CEACAM6: variants seen among roughly 807,000 people sequenced by gnomAD.
The protein encoded by CEACAM6 is cell adhesion molecule CEACAM6.
A neutral mutation model predicts 32.4 loss-of-function variants in CEACAM6; 21 were observed. That is an observed-to-expected ratio of 0.65 (90% CI 0.46 to 0.93). The LOEUF (loss-of-function observed/expected upper bound fraction) is 0.93. Among genes scored for constraint, CEACAM6 ranks in the 40% least tolerant of loss-of-function variants. The pLI is 0.00. For synonymous variants in CEACAM6, 184 were observed against 174.4 expected, an observed-to-expected ratio of 1.06 and a Z score of -0.43; for missense variants, 406 against 432.2, an observed-to-expected ratio of 0.94 and a Z score of 0.54.
In CEACAM6 at chr19:41,772,039, A is replaced by G. The variant is rs1308857456; in HGVS notation, c.*1278A>G. The G allele has an allele frequency of 6.6e-6, 1 of 152,126 alleles. No individual in the cohort carries two copies. The highest frequency in any genetic ancestry group is 1.5e-5 in the Non-Finnish European group (1 of 68,024). The allele number at this position is 152,126 out of a possible 1,614,324, so 9.4% of individuals were successfully genotyped here. A position where few individuals can be genotyped will look rare whatever the true frequency, so the allele number is the denominator to read the frequency against. ...CTTTTACAAAAAAGTAACCTGAACTAATCTGATGTTAACCAATGTATTTAT... is the reference window on the plus strand; with the variant it reads ...CTTTTACAAAAAAGTAACCTGAACTGATCTGATGTTAACCAATGTATTTAT... On this transcript the variant is annotated 3_prime_UTR_variant, in exon 6 of 6. Coordinates refer to ENST00000199764, the MANE Select transcript of CEACAM6 (RefSeq NM_002483.7).
At position 41,762,184 on chromosome 19, in the gene CEACAM6, G is replaced by A. The variant is rs146516997; in HGVS notation, c.919G>A (p.Gly307Ser). The change falls in exon 4 of 6, where the codon GGC becomes AGC. Residue 307 changes from glycine to serine, a missense_variant. By Grantham distance (56) the Gly-to-Ser change is moderately conservative (BLOSUM62 0). Coordinates refer to ENST00000199764, the MANE Select transcript of CEACAM6 (RefSeq NM_002483.7). ...YMCQAHNSAT[G>S]LNRTTVTMIT... ...GTGCCAAGCCCATAACTCAGCCACT[G>A]GCCTCAATAGGACCACAGTCACGAT... 3.1e-6 allele frequency: 5 copies of A among 1,613,992 alleles called. No individual in the cohort carries two copies. In the African/African-American group the frequency reaches 6.7e-5, roughly 22 times the overall value.
At position 41,762,217 on chromosome 19, in the gene CEACAM6, G is replaced by C; in HGVS notation, c.952G>C (p.Val318Leu). ...TAGGACCACAGTCACGATGATCACAGTCTCTGGTAAGTGGATCCATGAAGC... is the reference window on the plus strand; with the variant it reads ...TAGGACCACAGTCACGATGATCACACTCTCTGGTAAGTGGATCCATGAAGC... The part of the protein sequence containing the change: ...LNRTTVTMIT[V>L]SGSAPVLSAV... Residue 318 changes from valine to leucine, a missense_variant, in exon 4 of 6, where the codon GTC (valine) becomes CTC (leucine). Transcript: ENST00000199764. The C allele has an allele frequency of 6.2e-7, 1 of 1,613,744 alleles. No individual in the cohort carries two copies. Among genetic ancestry groups the C allele is most frequent in the Non-Finnish European group, 8.5e-7 (1 of 1,179,698 alleles).
chr19:41,768,800 C>T (rs558530363), intron 5 of CEACAM6, among the ~76,000 whole-genome samples: 2 of 151,888 alleles, frequency 1.3e-5, no homozygotes, highest in South Asian at 2.1e-4. Flanking sequence ...CCAGTAGGGG[C>T]GGCCGGGCAG....
chr19:41,761,482 C>G lies in CEACAM6; in HGVS notation c.658C>G (p.Pro220Ala), dbSNP rs1360904910. Reference sequence around the variant, plus strand: ...ATCCTATGAATGTGAAATACAGAACCCAGCGAGTGCCAACCGCAGTGACCC... The same window carrying G: ...ATCCTATGAATGTGAAATACAGAACGCAGCGAGTGCCAACCGCAGTGACCC... ...AGSYECEIQN[P>A]ASANRSDPVT... Residue 220 changes from proline (P) to alanine (A), a missense_variant, in exon 3 of 6, where the codon CCA (proline) becomes GCA (alanine). By Grantham distance (27) the Pro-to-Ala change is conservative. Coordinates refer to ENST00000199764, the MANE Select transcript of CEACAM6 (RefSeq NM_002483.7). The G allele has an allele frequency of 6.2e-7, 1 of 1,614,030 alleles. No individual in the cohort carries two copies. The highest frequency in any genetic ancestry group is 1.3e-5 in the African/African-American group (1 of 74,896).
chr19:41,768,252 C>A (rs367629073), intron 5 of CEACAM6, among the ~76,000 whole-genome samples: 1 of 152,256 alleles, frequency 6.6e-6, no homozygotes, highest in African/African-American at 2.4e-5. Flanking sequence ...TGCGGCCTTC[C>A]GCAGTGTTTG....
chr19:41,760,982 C>A (rs939493213), intron 2 of CEACAM6, among the ~76,000 whole-genome samples: 1 of 152,226 alleles, frequency 6.6e-6, no homozygotes, highest in African/African-American at 2.4e-5. Context: ...GGGGCTGTGA[C>A]CCCGGGTCCT....
chr19:41,768,667 T>C (rs1314634839), intron 5 of CEACAM6, among the ~76,000 whole-genome samples: 19 of 149,844 alleles, frequency 1.3e-4, no homozygotes, highest in African/African-American at 2.5e-4. Flanking sequence ...CACTTCCCAG[T>C]AGGGGCGGCC....
intron 4 of CEACAM6, among the ~76,000 whole-genome samples, chr19:41,762,466 G>C (rs2072932592): frequency 6.6e-6 from 1 of 151,964 alleles, no homozygotes; most frequent in Non-Finnish European, 1.5e-5. Flanking sequence ...AATGAGAGGA[G>C]GGGGCTCCCT....
At position 41,762,153 on chromosome 19, in the gene CEACAM6, C is replaced by T. The variant is rs2072929425; in HGVS notation, c.888C>T (p.Ser296=). 6.2e-7 allele frequency: 1 copy of T among 1,614,162 alleles called. No homozygotes were observed. The highest frequency in any genetic ancestry group is 1.3e-5 in the African/African-American group (1 of 75,026). Residue 296 remains serine, a synonymous_variant, in exon 4 of 6, where the codon TCC becomes TCT. Transcript: ENST00000199764. ...IPNITVNNSG[S]YMCQAHNSAT... is the part of the protein sequence containing the mutation. ...ACATCACTGTGAATAATAGCGGATCCTATATGTGCCAAGCCCATAACTCAG... is the reference window on the plus strand; with the variant it reads ...ACATCACTGTGAATAATAGCGGATCTTATATGTGCCAAGCCCATAACTCAG...
chr19:41,761,079 A>G (rs1475434741), intron 2 of CEACAM6, among the ~76,000 whole-genome samples, 170 bp from the exon 3 acceptor site: 1 of 152,192 alleles, frequency 6.6e-6, no homozygotes, highest in Admixed American at 6.5e-5. Context: ...ATCTCACACA[A>G]TCTCAGCCCT....
In CEACAM6 at chr19:41,762,236, A is replaced by G. The variant is rs535396653; in HGVS notation, c.958+13A>G. Reference sequence around the variant, plus strand: ...ATCACAGTCTCTGGTAAGTGGATCCATGAAGCACTAGCATCACATTTTCAG... The same window carrying G: ...ATCACAGTCTCTGGTAAGTGGATCCGTGAAGCACTAGCATCACATTTTCAG... On this transcript the variant is annotated intron_variant, in intron 4 of 5. Transcript: ENST00000199764. 5.0e-6 allele frequency: 8 copies of G among 1,610,286 alleles called. No individual in the cohort carries two copies. In the African/African-American group the frequency reaches 5.3e-5, roughly 11 times the overall value.
intron 2 of CEACAM6, among the ~76,000 whole-genome samples, chr19:41,757,577 T>C (rs2072897035): frequency 6.6e-6 from 1 of 151,938 alleles, no homozygotes; most frequent in South Asian, 2.1e-4. Context: ...AAAGGACAGA[T>C]GGAAAAAATT....
intron 2 of CEACAM6, among the ~76,000 whole-genome samples, chr19:41,759,800 TCTAAA>T (rs1426497041): frequency 3.3e-5 from 5 of 152,040 alleles, no homozygotes; most frequent in Non-Finnish European, 7.4e-5. Flanking sequence ...TAACATGAGG[TCTAAA>T]CTCCTGACAA....
chr19:41,768,564 T>A (rs2072970869), intron 5 of CEACAM6, among the ~76,000 whole-genome samples: 1 of 152,260 alleles, frequency 6.6e-6, no homozygotes, highest in Admixed American at 6.5e-5. Flanking sequence ...CCCTTTTCTA[T>A]TCCACAAAAC....
chr19:41,764,484 C>T (rs1344353264), intron 4 of CEACAM6, among the ~76,000 whole-genome samples: 2 of 152,040 alleles, frequency 1.3e-5, no homozygotes, highest in Non-Finnish European at 2.9e-5. Context: ...GAGACTGTGT[C>T]GCCCTATGTT....
At position 41,756,874 on chromosome 19, in the gene CEACAM6, C is replaced by T. The variant is rs2072891210; in HGVS notation, c.339C>T (p.Thr113=). ...PNASLLIQNV[T]QNDTGFYTLQ... is the part of the protein sequence containing the mutation. ...CATCCCTGCTGATCCAGAACGTCAC[C>T]CAGAATGACACAGGATTCTATACCC... Residue 113 remains threonine (T), a synonymous_variant, in exon 2 of 6, where the codon ACC becomes ACT. Coordinates refer to ENST00000199764, the MANE Select transcript of CEACAM6 (RefSeq NM_002483.7). The T allele has an allele frequency of 6.2e-7, 1 of 1,614,014 alleles. No individual in the cohort carries two copies. The highest frequency in any genetic ancestry group is 1.3e-5 in the African/African-American group (1 of 74,892).
Position 41,771,525 on chromosome 19 carries a change from G to A in CEACAM6, c.*764G>A, listed in dbSNP as rs2122944977. On this transcript the variant is annotated 3_prime_UTR_variant, in exon 6 of 6. Transcript: ENST00000199764. ...AACAAATGTGCTGCTTGGTTAAAAT[G>A]GCTACACTCATCTGACTCATTCTTT... The A allele has an allele frequency of 6.6e-6, 1 of 152,308 alleles. No individual in the cohort carries two copies. The highest frequency in any genetic ancestry group is 1.9e-4 in the East Asian group (1 of 5,188). 9.4% of individuals were successfully genotyped at this position (152,308 alleles called of 1,614,324 possible).
At chr19:41,764,598 C>G (rs117515291) in intron 4 of CEACAM6, among the ~76,000 whole-genome samples, 4,565 of 152,300 alleles carry the variant, frequency 0.03, 132 homozygotes, top group Admixed American at 0.058. Flanking sequence ...ATTTTCATTT[C>G]TGATTTTAGT....
At position 41,766,361 on chromosome 19, in the gene CEACAM6, A is replaced by G. The variant is rs782515948; in HGVS notation, c.*40+62A>G. ...GGCTGACCACCATGCTTGGGAAAGG[A>G]AAAAAACTTCTTCACCTGTATCTGG... On this transcript the variant is annotated intron_variant, in intron 5 of 5. Transcript: ENST00000199764. 38 of 816,344 alleles carry G rather than the reference A, an allele frequency of 4.7e-5. No individual in the cohort carries two copies. In the Admixed American group the frequency reaches 6.3e-4, roughly 14 times the overall value. 50.6% of individuals were successfully genotyped at this position (816,344 alleles called of 1,614,324 possible).
Sources: gnomAD v4.1 joint callset for allele counts (sites outside exome capture counted in the v4.1 genomes callset) on GRCh38, gnomAD v4.1.1 for gene constraint, MANE v1.5 for transcripts, NCBI Gene and HGNC (gene_info 2026-07-23, HGNC 2026-07-21) for gene names.